The following HNF4G variants were observed in gnomAD, a reference collection of about 807,000 sequenced individuals.
HNF4G encodes the protein hepatocyte nuclear factor 4-gamma.
HNF4G carries 21 observed loss-of-function variants against 50.9 expected under a neutral mutation model. The ratio of observed to expected loss-of-function variants is 0.41; its 90% CI spans 0.29 to 0.59. HNF4G has a LOEUF of 0.59. Among genes scored for constraint, HNF4G ranks in the 20% least tolerant of loss-of-function variants. HNF4G has a pLI of 0.26. For synonymous variants in HNF4G, 198 were observed against 185.6 expected, an observed-to-expected ratio of 1.07 and a Z score of -0.54; for missense variants, 527 against 559.4, an observed-to-expected ratio of 0.94 and a Z score of 0.58.
intron 3 of HNF4G, among the ~76,000 whole-genome samples, chr8:75,550,823 G>A (rs572469747): frequency 6.6e-6 from 1 of 151,938 alleles, no homozygotes; most frequent in Non-Finnish European, 1.5e-5. Flanking sequence ...TTTCTCAGGA[G>A]AGACTGCTCC....
chr8:75,520,665 C>T (rs754326414), intron 2 of HNF4G, among the ~76,000 whole-genome samples: 3 of 151,866 alleles, frequency 2.0e-5, no homozygotes, highest in Admixed American at 6.6e-5. Context: ...CTCAAACTCC[C>T]GAGCTCAAAT....
chr8:75,466,976 C>A (rs766178784), intron 1 of HNF4G, among the ~76,000 whole-genome samples: 3 of 152,150 alleles, frequency 2.0e-5, no homozygotes, highest in Non-Finnish European at 4.4e-5. Context: ...TGAGCCACTG[C>A]ACCTGGCCTG....
intron 1 of HNF4G, among the ~76,000 whole-genome samples, chr8:75,468,520 C>T (rs1046850746): frequency 6.6e-5 from 10 of 151,960 alleles, no homozygotes; most frequent in Non-Finnish European, 1.5e-4. Context: ...ATGTTGAAAC[C>T]CCGTCTCTAC....
At chr8:75,552,266 T>C (rs930854128) in intron 4 of HNF4G, among the ~76,000 whole-genome samples, 1 of 152,256 alleles carries the variant, frequency 6.6e-6, no homozygotes, top group South Asian at 2.1e-4. Context: ...TACTTGAAGA[T>C]TGCTTGATGG....
At chr8:75,556,418 G>C (rs996176322) in intron 6 of HNF4G, among the ~76,000 whole-genome samples, 1 of 152,106 alleles carries the variant, frequency 6.6e-6, no homozygotes, top group Non-Finnish European at 1.5e-5. Context: ...TATTTCCTCA[G>C]AGTCTGCTTT....
chr8:75,461,588 C>T (rs886182768), intron 1 of HNF4G, among the ~76,000 whole-genome samples: 1 of 152,106 alleles, frequency 6.6e-6, no homozygotes, highest in Non-Finnish European at 1.5e-5. Context: ...GGCCATTATT[C>T]TGCCTACTAC....
chr8:75,552,807 T>C (rs1194471544), intron 4 of HNF4G, among the ~76,000 whole-genome samples: 2 of 152,088 alleles, frequency 1.3e-5, no homozygotes, highest in Admixed American at 6.6e-5. Context: ...TCCCAGAGGA[T>C]GGTGCTATAT....
intron 2 of HNF4G, among the ~76,000 whole-genome samples, chr8:75,529,055 G>A (rs1348561168): frequency 6.6e-6 from 1 of 152,028 alleles, no homozygotes; most frequent in Non-Finnish European, 1.5e-5. Context: ...GGGAGGCCGA[G>A]ACGGACGGTT....
intron 1 of HNF4G, among the ~76,000 whole-genome samples, chr8:75,412,149 G>A (rs755246949): frequency 7.9e-5 from 12 of 152,134 alleles, no homozygotes; most frequent in South Asian, 4.1e-4. Context: ...CCTCTAATAG[G>A]CCTTGGAGAT....
chr8:75,487,858 G>A (rs57832744), intron 1 of HNF4G, among the ~76,000 whole-genome samples: 24,066 of 152,084 alleles, frequency 0.16, 3,208 homozygotes, highest in African/African-American at 0.37. Context: ...GGCTGGGGAG[G>A]CCTCAGGAAA....
chr8:75,409,237 C>G (rs949125922), intron 1 of HNF4G, among the ~76,000 whole-genome samples: 1 of 151,970 alleles, frequency 6.6e-6, no homozygotes, highest in Non-Finnish European at 1.5e-5. Flanking sequence ...AATTGAGAGC[C>G]GTTTGTCTTC....
intron 1 of HNF4G, among the ~76,000 whole-genome samples, chr8:75,477,972 A>C (rs1026334905): frequency 6.6e-6 from 1 of 151,768 alleles, no homozygotes; most frequent in Admixed American, 6.6e-5. Flanking sequence ...CGTTCAAAAA[A>C]AGAAAAAAGA....
At chr8:75,449,827 T>G (rs1458644364) in intron 1 of HNF4G, among the ~76,000 whole-genome samples, 2 of 152,144 alleles carry the variant, frequency 1.3e-5, no homozygotes, top group African/African-American at 4.8e-5. Context: ...ATATTTTTTG[T>G]TGTGAGATTT....
At chr8:75,444,368 A>G (rs561093990) in intron 1 of HNF4G, among the ~76,000 whole-genome samples, 2 of 151,794 alleles carry the variant, frequency 1.3e-5, no homozygotes, top group African/African-American at 4.8e-5. Context: ...AAACTGCATC[A>G]ACTAACCAGC....
intron 1 of HNF4G, among the ~76,000 whole-genome samples, chr8:75,488,974 C>CCA (rs1246506097): frequency 6.6e-6 from 1 of 152,152 alleles, no homozygotes; most frequent in Non-Finnish European, 1.5e-5. Context: ...TCAGGAAAGA[C>CCA]CACTGTTAGC....
intron 2 of HNF4G, among the ~76,000 whole-genome samples, chr8:75,502,781 C>G (rs1036543871): frequency 1.1e-4 from 17 of 152,142 alleles, no homozygotes; most frequent in African/African-American, 3.1e-4. Flanking sequence ...CTCAGAAATT[C>G]TTCCTTTAGA....
intron 1 of HNF4G, among the ~76,000 whole-genome samples, chr8:75,451,434 C>A (rs1168453277): frequency 6.6e-6 from 1 of 151,706 alleles, no homozygotes; most frequent in African/African-American, 2.4e-5. Flanking sequence ...TGTCATGGAG[C>A]TTTTCCCCTA....
At chr8:75,429,434 T>C (rs1810957630) in intron 1 of HNF4G, among the ~76,000 whole-genome samples, 1 of 152,188 alleles carries the variant, frequency 6.6e-6, no homozygotes, top group Non-Finnish European at 1.5e-5. Flanking sequence ...TCTGTTTTTC[T>C]CTCTTCCATT....
At chr8:75,520,919 T>C (rs1806023386) in intron 2 of HNF4G, among the ~76,000 whole-genome samples, 1 of 152,066 alleles carries the variant, frequency 6.6e-6, no homozygotes, top group Non-Finnish European at 1.5e-5. Flanking sequence ...ATAAACAGAT[T>C]ATAAATATTT....
Sources: gnomAD v4.1 joint callset for allele counts (sites outside exome capture counted in the v4.1 genomes callset) on GRCh38, gnomAD v4.1.1 for gene constraint, MANE v1.5 for transcripts, NCBI Gene and HGNC (gene_info 2026-07-23, HGNC 2026-07-21) for gene names.